The following STK32A variants were observed in gnomAD, a reference collection of about 807,000 sequenced individuals.
The protein encoded by STK32A is serine/threonine kinase 32A.
STK32A carries 41 observed loss-of-function variants against 53.2 expected under a neutral mutation model. The ratio of observed to expected loss-of-function variants is 0.77; its 90% CI spans 0.60 to 1.00. The LOEUF is 1.00. Among genes scored for constraint, STK32A ranks in the 50% least tolerant of loss-of-function variants. The probability of loss-of-function intolerance (pLI) is 0.00; values close to 1 mark genes in which losing one functional copy is unlikely to be tolerated. For missense variants in STK32A, 458 were observed against 485.8 expected (o/e 0.94, Z 0.54); for synonymous variants, 166 against 162.8 (o/e 1.02, Z -0.15).
chr5:147,345,625 G>A (rs1755644752), intron 6 of STK32A, among the ~76,000 whole-genome samples: 1 of 151,874 alleles, frequency 6.6e-6, no homozygotes. Flanking sequence ...TTCATCCTCA[G>A]GTAACTACAC....
chr5:147,395,418 G>C, the STK32A span: 1 of 1,036,846 alleles, frequency 9.6e-7, no homozygotes, highest in Non-Finnish European at 1.4e-6. Flanking sequence ...GCTTGCCCCA[G>C]TAACCTTCTC....
chr5:147,240,895 CA>C (rs1359265557), intron 2 of STK32A, among the ~76,000 whole-genome samples: 1 of 152,164 alleles, frequency 6.6e-6, no homozygotes, highest in African/African-American at 2.4e-5. Flanking sequence ...ACCAACACAA[CA>C]AATTCCAGCC....
At chr5:147,302,485 G>A (rs1349006533) in intron 4 of STK32A, among the ~76,000 whole-genome samples, 9 of 152,194 alleles carry the variant, frequency 5.9e-5, no homozygotes, top group Admixed American at 2.6e-4. Flanking sequence ...TTAATGCATA[G>A]TTACAACAAT....
Position 147,373,301 on chromosome 5 carries a change from C to T in STK32A, c.903+7C>T. Reference sequence around the variant, plus strand: ...TCCAGGTTTCATTCCTAATGTGAGTCAATCCTAACAAAGCCAAATAACTCC... The same window carrying T: ...TCCAGGTTTCATTCCTAATGTGAGTTAATCCTAACAAAGCCAAATAACTCC... On this transcript the variant is annotated splice_region_variant and intron_variant, in intron 10 of 12. Coordinates refer to ENST00000397936, the MANE Select transcript of STK32A (RefSeq NM_001112724.2). 1.2e-6 allele frequency: 2 copies of T among 1,612,864 alleles called. No individual in the cohort carries two copies.
chr5:147,292,345 G>T lies in STK32A; in HGVS notation c.260+12947G>T, dbSNP rs527241803. ...TGTGTACTGTTACAGAAGAAAACAGGTTCTTACTGAACTTACACAAATAAC... is the reference window on the plus strand; with the variant it reads ...TGTGTACTGTTACAGAAGAAAACAGTTTCTTACTGAACTTACACAAATAAC... On this transcript the variant is annotated intron_variant, in intron 4 of 12. Coordinates refer to ENST00000397936, the MANE Select transcript of STK32A (RefSeq NM_001112724.2). Among the ~76,000 whole-genome samples the T allele has an allele frequency of 1.2e-4, 19 of 152,274 alleles. No homozygotes were observed. In the South Asian group the frequency reaches 2.7e-3, roughly 22 times the overall value.
chr5:147,359,417 A>G (rs962472876), intron 7 of STK32A, among the ~76,000 whole-genome samples: 47 of 152,226 alleles, frequency 3.1e-4, no homozygotes, highest in African/African-American at 1.1e-3. Flanking sequence ...GAAAAAGAAT[A>G]CTGGATAAAT....
intron 11 of STK32A, among the ~76,000 whole-genome samples, chr5:147,382,313 T>C (rs1757484217): frequency 6.6e-6 from 1 of 152,178 alleles, no homozygotes; most frequent in Non-Finnish European, 1.5e-5. Flanking sequence ...TTATTAATAC[T>C]TTAGTTTTGT....
chr5:147,265,217 T>C (rs977191605), intron 2 of STK32A, among the ~76,000 whole-genome samples: 5 of 151,174 alleles, frequency 3.3e-5, no homozygotes, highest in Admixed American at 1.3e-4. Flanking sequence ...AATTTCCTAA[T>C]TTCAAATATC....
intron 6 of STK32A, among the ~76,000 whole-genome samples, chr5:147,345,413 G>A (rs1387609475): frequency 6.6e-6 from 1 of 152,028 alleles, no homozygotes; most frequent in African/African-American, 2.4e-5. Context: ...TTCTTTCCTT[G>A]GAAAGGAAGC....
chr5:147,327,496 C>G (rs1483531752), intron 5 of STK32A, among the ~76,000 whole-genome samples: 1 of 152,188 alleles, frequency 6.6e-6, no homozygotes, highest in Non-Finnish European at 1.5e-5. Context: ...TGACTTCCTA[C>G]TTTTAGATTA....
intron 5 of STK32A, among the ~76,000 whole-genome samples, chr5:147,339,080 G>C (rs1305960035): frequency 6.6e-6 from 1 of 152,208 alleles, no homozygotes; most frequent in African/African-American, 2.4e-5. Context: ...CAAGACGATG[G>C]GGAAAATGTC....
At chr5:147,277,536 C>A (rs1751818853) in intron 2 of STK32A, among the ~76,000 whole-genome samples, 1 of 152,162 alleles carries the variant, frequency 6.6e-6, no homozygotes, top group South Asian at 2.1e-4. Flanking sequence ...TTAGTTCATG[C>A]TACACACTTA....
At chr5:147,360,702 A>G (rs1027861084) in intron 7 of STK32A, among the ~76,000 whole-genome samples, 11 of 152,184 alleles carry the variant, frequency 7.2e-5, no homozygotes, top group African/African-American at 2.7e-4. Flanking sequence ...GTGATTCTGA[A>G]TGCCAGATTC....
intron 2 of STK32A, among the ~76,000 whole-genome samples, chr5:147,268,674 C>T (rs1864936): frequency 0.66 from 99,696 of 151,984 alleles, 33,091 homozygotes; most frequent in African/African-American, 0.75. Flanking sequence ...TTCTGGAAGC[C>T]TGTGACAGAG....
chr5:147,241,620 A>G (rs1753587462), intron 2 of STK32A, among the ~76,000 whole-genome samples: 1 of 152,242 alleles, frequency 6.6e-6, no homozygotes, highest in African/African-American at 2.4e-5. Flanking sequence ...TTGAAATTAT[A>G]TAGCTGGAAA....
chr5:147,374,416 G>A (rs529178887), intron 10 of STK32A, among the ~76,000 whole-genome samples: 2 of 152,260 alleles, frequency 1.3e-5, no homozygotes, highest in Admixed American at 6.5e-5. Context: ...TACAAAGTGA[G>A]AGAAAGGAGA....
chr5:147,250,784 A>G (rs1753955604), intron 2 of STK32A, among the ~76,000 whole-genome samples: 2 of 140,004 alleles, frequency 1.4e-5, no homozygotes, highest in Non-Finnish European at 3.2e-5. Context: ...TACTAAAAAT[A>G]CAAAAAAATT....
chr5:147,359,799 CT>C (rs1437921536), intron 7 of STK32A, among the ~76,000 whole-genome samples: 1 of 152,166 alleles, frequency 6.6e-6, no homozygotes, highest in Non-Finnish European at 1.5e-5. Context: ...AATAGCCCTC[CT>C]TATTCCTGCT....
chr5:147,385,071 G>T lies in STK32A; in HGVS notation c.*1088G>T, dbSNP rs148501140. ...TTTGACTTAGTTATTTTTATTTTTG[G>T]TCTCATTTTGGCTAATACCAGATGA... On this transcript the variant is annotated 3_prime_UTR_variant, in exon 13 of 13. Transcript: ENST00000397936. 2 of 152,054 alleles carry T rather than the reference G, an allele frequency of 1.3e-5. No individual in the cohort carries two copies. Among genetic ancestry groups the T allele is most frequent in the Admixed American group, 1.3e-4 (2 of 15,276 alleles). The allele number at this position is 152,054 out of a possible 1,614,324, so 9.4% of individuals were successfully genotyped here.
Sources: gnomAD v4.1 joint callset for allele counts (sites outside exome capture counted in the v4.1 genomes callset) on GRCh38, gnomAD v4.1.1 for gene constraint, MANE v1.5 for transcripts, NCBI Gene and HGNC (gene_info 2026-07-23, HGNC 2026-07-21) for gene names.